The following IQCH variants were observed in gnomAD, a reference collection of about 807,000 sequenced individuals.
IQCH encodes the protein IQ domain-containing protein H.
In IQCH, 98 loss-of-function variants were observed where a neutral mutation model predicts 117.0. The observed-to-expected ratio is 0.84, with a 90% CI of 0.71 to 0.99. The LOEUF is 0.99. Ranked by LOEUF, IQCH falls within the 50% of genes least tolerant of loss-of-function variation. The pLI is 0.00. For synonymous variants in IQCH, 412 were observed against 448.2 expected (o/e 0.92, Z 1.02); for missense variants, 1,102 against 1,243.8 (o/e 0.89, Z 1.72).
At chr15:67,423,818 C>T (rs2081813853) in intron 16 of IQCH, among the ~76,000 whole-genome samples, 1 of 147,048 alleles carries the variant, frequency 6.8e-6, no homozygotes, top group African/African-American at 2.5e-5. Flanking sequence ...GATGCCACTG[C>T]ACTCCAGCCT....
At chr15:67,357,269 G>T in intron 6 of IQCH, 76 bp from the exon 7 acceptor site, 2 of 969,682 alleles carry the variant, frequency 2.1e-6, no homozygotes, top group South Asian at 2.6e-5. Context: ...CTTTCAAGGT[G>T]CAAACCCAAT....
chr15:67,355,360 G>A (rs979325672), intron 6 of IQCH, among the ~76,000 whole-genome samples: 6 of 152,202 alleles, frequency 3.9e-5, no homozygotes, highest in Admixed American at 3.9e-4. Flanking sequence ...GCTGAGGTGG[G>A]TGGATCACGA....
chr15:67,318,780 A>G (rs1358906310), intron 4 of IQCH, among the ~76,000 whole-genome samples: 2 of 152,226 alleles, frequency 1.3e-5, no homozygotes, highest in Non-Finnish European at 2.9e-5. Flanking sequence ...ACTGTAAGTC[A>G]ATGGGAAAGG....
intron 4 of IQCH, chr15:67,304,419 A>T (rs1967201300): frequency 1.3e-6 from 2 of 1,531,516 alleles, no homozygotes; most frequent in East Asian, 4.9e-5. Context: ...CGAACTATGG[A>T]ATCAGTTTGC....
intron 14 of IQCH, among the ~76,000 whole-genome samples, chr15:67,402,474 T>G (rs1362604701): frequency 6.6e-6 from 1 of 152,168 alleles, no homozygotes; most frequent in Non-Finnish European, 1.5e-5. Context: ...TCTCCTTTGT[T>G]CCAGAAGACC....
rs1045755392 is a variant in IQCH, at chr15:67,463,884, C to A, written c.2506-1243C>A. On this transcript the variant is annotated intron_variant, in intron 16 of 20. Transcript: ENST00000335894. This position sits in a 1 kb window ranked among gnomAD's most constrained non-coding sequence, Gnocchi z 4.0. Reference sequence around the variant, plus strand: ...TTGAGACAGAGTCTCACTCTGCCACCCAGGCTGGACTGTAGTGGTCTGATC... The same window carrying A: ...TTGAGACAGAGTCTCACTCTGCCACACAGGCTGGACTGTAGTGGTCTGATC... Among the ~76,000 whole-genome samples, 9 of 152,168 alleles carry A rather than the reference C, an allele frequency of 5.9e-5. No homozygotes were observed. The highest frequency in any genetic ancestry group is 2.2e-4 in the African/African-American group (9 of 41,512).
intron 10 of IQCH, among the ~76,000 whole-genome samples, chr15:67,379,548 C>T (rs1970850435): frequency 6.6e-6 from 1 of 152,144 alleles, no homozygotes; most frequent in African/African-American, 2.4e-5. Flanking sequence ...GGTTCTGTGT[C>T]CCCACCCAAA....
intron 7 of IQCH, among the ~76,000 whole-genome samples, chr15:67,357,739 A>ATG (rs1484164941): frequency 6.6e-6 from 1 of 152,182 alleles, no homozygotes. Context: ...ATGGTATAGG[A>ATG]TGTCTTATTG....
intron 3 of IQCH, among the ~76,000 whole-genome samples, chr15:67,274,370 C>T (rs1447474389): frequency 6.6e-6 from 1 of 152,074 alleles, no homozygotes; most frequent in African/African-American, 2.4e-5. Flanking sequence ...TATTTTTCTT[C>T]TCTGACTGTG....
At chr15:67,282,927 T>A (rs1386238214) in intron 4 of IQCH, among the ~76,000 whole-genome samples, 3 of 152,082 alleles carry the variant, frequency 2.0e-5, no homozygotes, top group Non-Finnish European at 4.4e-5. Context: ...AAAAGCATAC[T>A]CAGAAACATT....
At chr15:67,328,386 GATA>G (rs1386919487) in intron 4 of IQCH, among the ~76,000 whole-genome samples, 4 of 152,006 alleles carry the variant, frequency 2.6e-5, no homozygotes, top group Admixed American at 1.3e-4. Flanking sequence ...CTTCAGTTGA[GATA>G]ATAAGACAGA....
In IQCH at chr15:67,465,100, C is replaced by G. The variant is rs2082896482; in HGVS notation, c.2506-27C>G. 2 of 1,607,894 alleles carry G rather than the reference C, an allele frequency of 1.2e-6. No homozygotes were observed. The highest frequency in any genetic ancestry group is 1.7e-5 in the Admixed American group (1 of 59,442). On this transcript the variant is annotated intron_variant, in intron 16 of 20. Transcript: ENST00000335894. This position sits in a 1 kb window ranked among gnomAD's most constrained non-coding sequence, Gnocchi z 5.9. ...CGCTGCTGTTTGCTGATTTCACCCT[C>G]ACTTCTACGGCTCCTGTTTTAATCA...
At position 67,479,528 on chromosome 15, in the gene IQCH, T is replaced by C. The variant is rs2083292016; in HGVS notation, c.2799+3710T>C. Reference sequence around the variant, plus strand: ...TCCCCTCTAGGTACCTCTTATGTATTCTTCAGCTGGAGAAACACAGACTTC... The same window carrying C: ...TCCCCTCTAGGTACCTCTTATGTATCCTTCAGCTGGAGAAACACAGACTTC... On this transcript the variant is annotated intron_variant, in intron 18 of 20. Transcript: ENST00000335894. This position sits in a 1 kb window ranked among gnomAD's most constrained non-coding sequence, Gnocchi z 4.6. 6.6e-6 allele frequency among the ~76,000 whole-genome samples: 1 copy of C among 152,202 alleles called. No individual in the cohort carries two copies. The highest frequency in any genetic ancestry group is 6.5e-5 in the Admixed American group (1 of 15,276).
chr15:67,406,411 A>T lies in IQCH; in HGVS notation c.2097+6106A>T, dbSNP rs1971905579. On this transcript the variant is annotated intron_variant, in intron 14 of 20. Coordinates refer to ENST00000335894, the MANE Select transcript of IQCH (RefSeq NM_001031715.3). The surrounding 1 kb of genome is among the most constrained non-coding windows in gnomAD (Gnocchi z 4.5). ...TAGGTGTGTGCCTGTAGTTCCAGCT[A>T]CTTAGGAGCCTGAAGAAAGAGGATC... 1 of 152,136 alleles carries T rather than the reference A, an allele frequency of 6.6e-6. No individual in the cohort carries two copies. The highest frequency in any genetic ancestry group is 2.4e-5 in the African/African-American group (1 of 41,434). 9.4% of individuals were successfully genotyped at this position (152,136 alleles called of 1,614,324 possible). A position where few individuals can be genotyped will look rare whatever the true frequency, so the allele number is the denominator to read the frequency against.
intron 18 of IQCH, among the ~76,000 whole-genome samples, chr15:67,483,166 G>A (rs1288784532): frequency 6.6e-6 from 1 of 152,166 alleles, no homozygotes; most frequent in Non-Finnish European, 1.5e-5. Context: ...ATAAAGGCTG[G>A]TTTGAGATAT....
chr15:67,480,329 G>A (rs917762794), intron 18 of IQCH, among the ~76,000 whole-genome samples: 16 of 152,186 alleles, frequency 1.1e-4, no homozygotes, highest in African/African-American at 3.6e-4. Flanking sequence ...GAGGTAATAC[G>A]TGTCCTTGTT....
chr15:67,308,497 TC>T (rs2093433178), intron 4 of IQCH, among the ~76,000 whole-genome samples: 1 of 152,126 alleles, frequency 6.6e-6, no homozygotes, highest in Non-Finnish European at 1.5e-5. Flanking sequence ...AAATGCCATA[TC>T]CTATTTATGA....
rs1029162000 is a variant in IQCH, at chr15:67,404,322, A to G, written c.2097+4017A>G. 2.0e-5 allele frequency: 3 copies of G among 152,188 alleles called. No homozygotes were observed. Among genetic ancestry groups the G allele is most frequent in the Admixed American group, 1.3e-4 (2 of 15,282 alleles). 9.4% of individuals were successfully genotyped at this position (152,188 alleles called of 1,614,324 possible). On this transcript the variant is annotated intron_variant, in intron 14 of 20. Transcript: ENST00000335894. This position sits in a 1 kb window ranked among gnomAD's most constrained non-coding sequence, Gnocchi z 4.6. ...AGAGAATCATTAACCATTTCATGCC[A>G]TAGAGCTCCCTGCATCTCCACCTCC...
Position 67,436,297 on chromosome 15 carries a change from C to T in IQCH, c.2505+14720C>T, listed in dbSNP as rs13379682. ...CCCTCCTCTCTCAAACACACACCCC[C>T]GCACTGGAGAAGCTGAAGGTCTGTT... On this transcript the variant is annotated intron_variant, in intron 16 of 20. Transcript: ENST00000335894. This position sits in a 1 kb window ranked among gnomAD's most constrained non-coding sequence, Gnocchi z 5.1. 0.039 allele frequency among the ~76,000 whole-genome samples: 5,889 copies of T among 152,278 alleles called. 159 individuals are homozygous for T. Among genetic ancestry groups the T allele is most frequent in the Non-Finnish European group, 0.063 (4,283 of 67,998 alleles).
Sources: allele counts gnomAD v4.1 joint callset (sites outside exome capture counted in the v4.1 genomes callset), GRCh38; gene constraint gnomAD v4.1.1; non-coding constraint Gnocchi (gnomAD v3.1); transcripts MANE v1.5; gene names NCBI Gene and HGNC (gene_info 2026-07-23, HGNC 2026-07-21).